Variants in ADAM7 observed in about 807,000 individuals in gnomAD.
ADAM7 encodes the protein ADAM metallopeptidase domain 7.
ADAM7 carries 97 observed loss-of-function variants against 102.9 expected under a neutral mutation model. The ratio of observed to expected loss-of-function variants is 0.94; its 90% CI spans 0.80 to 1.12. The LOEUF (loss-of-function observed/expected upper bound fraction) is 1.12, where lower values mean the gene tolerates loss of function less well. Ranked by LOEUF, ADAM7 falls within the 50% of genes most tolerant of loss-of-function variation. The pLI, the probability that ADAM7 is intolerant of heterozygous loss-of-function variation, is 0.00. For missense variants in ADAM7, 991 were observed against 908.7 expected, an observed-to-expected ratio of 1.09 and a Z score of -1.16; for synonymous variants, 334 against 304.4, an observed-to-expected ratio of 1.10 and a Z score of -1.01.
At chr8:24,490,746 C>A in intron 12 of ADAM7, 53 bp from the exon 13 acceptor site, 1 of 1,536,152 alleles carries the variant, frequency 6.5e-7, no homozygotes, top group South Asian at 1.2e-5. Context: ...ATTCTTCAAA[C>A]AGGAGTCAGA....
At chr8:24,476,083 T>TA in intron 7 of ADAM7, 1 of 403,060 alleles carries the variant, frequency 2.5e-6, no homozygotes, top group South Asian at 1.9e-5. Context: ...TTTGTAGCTT[T>TA]AATAGGTTTG....
intron 3 of ADAM7, among the ~76,000 whole-genome samples, chr8:24,452,875 G>C (rs1193228968): frequency 7.5e-5 from 11 of 147,252 alleles, no homozygotes; most frequent in African/African-American, 2.1e-4. Context: ...GCATTTGCTT[G>C]TCTGTAAAGG....
At chr8:24,500,279 T>G (rs368426176) in intron 18 of ADAM7, 23 bp downstream of exon 18, 1 of 1,591,460 alleles carries the variant, frequency 6.3e-7, no homozygotes, top group Non-Finnish European at 8.6e-7. Flanking sequence ...AAACAAAATC[T>G]TTCATATATC....
At position 24,492,900 on chromosome 8, in the gene ADAM7, T is replaced by A. The variant is rs139045207; in HGVS notation, c.1656-143T>A. 2.4e-4 allele frequency: 188 copies of A among 772,166 alleles called. 1 individual carries two copies. In the East Asian group the frequency reaches 5.4e-3, roughly 22 times the overall value. The allele number at this position is 772,166 out of a possible 1,614,324, so 47.8% of individuals were successfully genotyped here. A position where few individuals can be genotyped will look rare whatever the true frequency, so the allele number is the denominator to read the frequency against. ...TTCCCAGGGCCAAGACTTTGCTCAG[T>A]GGTTTTCTCTGCCCATTACAGCCTC... is the stretch of plus-strand genomic sequence containing the variant. On this transcript the variant is annotated intron_variant, in intron 15 of 21. Coordinates refer to ENST00000175238, the MANE Select transcript of ADAM7 (RefSeq NM_003817.4).
chr8:24,509,356 T>C lies in ADAM7; in HGVS notation c.*810T>C. ...CTGCCCTCTCCCTATCCGTTTGTTA[T>C]GGGATGGGGGATTACCCTGGGAATG... On this transcript the variant is annotated 3_prime_UTR_variant, in exon 22 of 22. Transcript: ENST00000175238. 1.0e-6 allele frequency: 1 copy of C among 985,356 alleles called. No homozygotes were observed. Among genetic ancestry groups the C allele is most frequent in the Non-Finnish European group, 1.2e-6 (1 of 829,880 alleles). The allele number at this position is 985,356 out of a possible 1,614,324, so 61.0% of individuals were successfully genotyped here. A position where few individuals can be genotyped will look rare whatever the true frequency, so the allele number is the denominator to read the frequency against.
Position 24,466,978 on chromosome 8 carries a change from C to G in ADAM7, c.569C>G (p.Ser190Cys), listed in dbSNP as rs1220132588. 1 of 1,613,096 alleles carries G rather than the reference C, an allele frequency of 6.2e-7. No individual in the cohort carries two copies. Among genetic ancestry groups the G allele is most frequent in the South Asian group, 1.1e-5 (1 of 91,012 alleles). ...VPGDNESEED[S>C]KIKGIHDEKY... is the part of the protein sequence containing the mutation. ...GGGGATAATGAATCTGAAGAAGACT[C>G]CAAAATAAAAGTGAGTACTTTATTA... The change falls in exon 6 of 22, where the codon TCC becomes TGC. Residue 190 changes from serine (S) to cysteine (C), a missense_variant. Physicochemically the swap from Ser to Cys is moderately radical, Grantham distance 112 (BLOSUM62 -1). Coordinates refer to ENST00000175238, the MANE Select transcript of ADAM7 (RefSeq NM_003817.4).
chr8:24,488,374 A>G lies in ADAM7; in HGVS notation c.1092-785A>G, dbSNP rs377613169. ...AATCCCTTCGGAGCAGGTATACATAAAGCATTGTATATAGTAAGAAAAGTT... is the reference window on the plus strand; with the variant it reads ...AATCCCTTCGGAGCAGGTATACATAGAGCATTGTATATAGTAAGAAAAGTT... On this transcript the variant is annotated intron_variant, in intron 11 of 21. Transcript: ENST00000175238. Among the ~76,000 whole-genome samples the G allele has an allele frequency of 3.3e-5, 5 of 152,338 alleles. No individual in the cohort carries two copies. In the East Asian group the frequency reaches 9.6e-4, roughly 29 times the overall value.
intron 19 of ADAM7, among the ~76,000 whole-genome samples, chr8:24,501,106 C>G (rs1820744574): frequency 6.6e-6 from 1 of 152,074 alleles, no homozygotes; most frequent in Non-Finnish European, 1.5e-5. Context: ...AAATCACCAA[C>G]AGGTCTTTCA....
At chr8:24,461,912 A>G (rs1563378690) in intron 3 of ADAM7, among the ~76,000 whole-genome samples, 1 of 152,214 alleles carries the variant, frequency 6.6e-6, no homozygotes, top group Non-Finnish European at 1.5e-5. Context: ...TTTGCTAAGC[A>G]TAGTTATAGT....
At chr8:24,461,365 G>A (rs548447512) in intron 3 of ADAM7, among the ~76,000 whole-genome samples, 2 of 152,116 alleles carry the variant, frequency 1.3e-5, no homozygotes, top group South Asian at 4.1e-4. Flanking sequence ...GTCTCTAATG[G>A]AATGTTAATG....
chr8:24,501,668 T>A (rs1027467095), intron 20 of ADAM7, 92 bp downstream of exon 20: 1 of 920,572 alleles, frequency 1.1e-6, no homozygotes, highest in African/African-American at 1.7e-5. Context: ...CTAAGCTAAG[T>A]GACATGGGAA....
rs1198084940 is a variant in ADAM7 at position 24,466,780 on chromosome 8, G to A, written c.390-19G>A. 6.2e-7 allele frequency: 1 copy of A among 1,604,440 alleles called. No homozygotes were observed. Among genetic ancestry groups the A allele is most frequent in the East Asian group, 2.2e-5 (1 of 44,800 alleles). On this transcript the variant is annotated intron_variant, in intron 5 of 21. Transcript: ENST00000175238. The stretch of plus-strand genomic sequence containing the variant: ...TAATTATAGGCCTTGAATACAAATT[G>A]TGTTCCCAATTTCTACAGGGGATTC...
Position 24,491,895 on chromosome 8 carries a change from C to A in ADAM7, c.1357-8C>A. ...CCAGGATTTAGTCTCTTTGTTTTTCCTCAACAGATAAAAAAAGCAGGGTCC... is the reference window on the plus strand; with the variant it reads ...CCAGGATTTAGTCTCTTTGTTTTTCATCAACAGATAAAAAAAGCAGGGTCC... On this transcript the variant is annotated splice_polypyrimidine_tract_variant and splice_region_variant and intron_variant, in intron 13 of 21. Coordinates refer to ENST00000175238, the MANE Select transcript of ADAM7 (RefSeq NM_003817.4). The A allele has an allele frequency of 6.3e-7, 1 of 1,585,386 alleles. No individual in the cohort carries two copies. Among genetic ancestry groups the A allele is most frequent in the Non-Finnish European group, 8.6e-7 (1 of 1,165,952 alleles).
chr8:24,499,020 C>T (rs1420094433), intron 16 of ADAM7, among the ~76,000 whole-genome samples: 1 of 151,964 alleles, frequency 6.6e-6, no homozygotes, highest in Non-Finnish European at 1.5e-5. Context: ...GTACACACCC[C>T]AATCATCTAT....
chr8:24,444,157 T>A (rs1015615288), intron 2 of ADAM7, among the ~76,000 whole-genome samples: 4 of 150,628 alleles, frequency 2.7e-5, no homozygotes, highest in African/African-American at 9.7e-5. Context: ...TGGCCAAAGC[T>A]GGGATAATGT....
chr8:24,451,571 A>T (rs1469012888), intron 3 of ADAM7, among the ~76,000 whole-genome samples: 10 of 151,776 alleles, frequency 6.6e-5, no homozygotes, highest in East Asian at 3.9e-4. Context: ...TAGTGGTCTA[A>T]CAATTTTGTT....
intron 3 of ADAM7, among the ~76,000 whole-genome samples, chr8:24,447,700 A>G (rs1157232410): frequency 6.6e-6 from 1 of 152,206 alleles, no homozygotes; most frequent in Admixed American, 6.5e-5. Flanking sequence ...TTGTGTAACC[A>G]AATAGTGTAA....
chr8:24,474,983 G>A (rs1585889422), intron 7 of ADAM7, among the ~76,000 whole-genome samples: 2 of 152,046 alleles, frequency 1.3e-5, no homozygotes, highest in African/African-American at 2.4e-5. Flanking sequence ...GAAACCAAAG[G>A]CAGTCTTTGG....
chr8:24,493,775 T>C (rs1396404012), intron 16 of ADAM7, among the ~76,000 whole-genome samples: 1 of 152,208 alleles, frequency 6.6e-6, no homozygotes, highest in Non-Finnish European at 1.5e-5. Flanking sequence ...ACATTTCAGC[T>C]TTGACTTGAA....
Sources: gnomAD v4.1 joint callset for allele counts (sites outside exome capture counted in the v4.1 genomes callset) on GRCh38, gnomAD v4.1.1 for gene constraint, MANE v1.5 for transcripts, NCBI Gene and HGNC (gene_info 2026-07-23, HGNC 2026-07-21) for gene names.